SCUBE1: variants seen among roughly 807,000 people sequenced by gnomAD.
The protein encoded by SCUBE1 is signal peptide, CUB domain and EGF like domain containing 1.
Under a neutral mutation model 124.4 loss-of-function variants are expected in SCUBE1, and 59 were observed. That is an observed-to-expected ratio of 0.47 (90% CI 0.38 to 0.59). SCUBE1 has a LOEUF of 0.59. Ranked by LOEUF, SCUBE1 falls within the 20% of genes least tolerant of loss-of-function variation. The probability of loss-of-function intolerance (pLI) is 0.00; values close to 1 mark genes in which losing one functional copy is unlikely to be tolerated. For missense variants in SCUBE1, 1,150 were observed against 1,371.2 expected (o/e 0.84, Z 2.55); for synonymous variants, 545 against 550.9 (o/e 0.99, Z 0.15).
chr22:43,328,925 A>G (rs750063324), intron 2 of SCUBE1, among the ~76,000 whole-genome samples: 1 of 152,210 alleles, frequency 6.6e-6, no homozygotes, highest in Non-Finnish European at 1.5e-5. Flanking sequence ...TGTCTTTCCC[A>G]AGATCACCCA....
intron 3 of SCUBE1, among the ~76,000 whole-genome samples, chr22:43,305,777 G>C (rs1231732781): frequency 2.0e-5 from 3 of 152,176 alleles, no homozygotes; most frequent in Admixed American, 1.3e-4. Flanking sequence ...GCCAGGGGAG[G>C]GCAAGCCTGT....
chr22:43,304,597 T>A (rs900412564), intron 3 of SCUBE1, among the ~76,000 whole-genome samples: 1 of 152,164 alleles, frequency 6.6e-6, no homozygotes, highest in Non-Finnish European at 1.5e-5. Flanking sequence ...CGTGTGTGTG[T>A]GTGTCTGTGT....
chr22:43,233,269 C>T (rs960866263), intron 7 of SCUBE1, among the ~76,000 whole-genome samples: 3 of 152,238 alleles, frequency 2.0e-5, no homozygotes, highest in Admixed American at 6.5e-5. Context: ...GAAGCTGAGG[C>T]AGGAGAATCG....
Position 43,210,948 on chromosome 22 carries a change from C to G in SCUBE1, c.2357G>C (p.Gly786Ala), listed in dbSNP as rs1921522230. The G allele has an allele frequency of 6.2e-7, 1 of 1,614,102 alleles. No individual in the cohort carries two copies. The highest frequency in any genetic ancestry group is 8.5e-7 in the Non-Finnish European group (1 of 1,180,004). Residue 786 changes from glycine to alanine, a missense_variant, in exon 18 of 22, where the codon GGC becomes GCC. Around this residue, in one of 3 missense-constraint regions of SCUBE1, gnomAD observed 757 missense variants for 840.9 expected, o/e 0.90. Transcript: ENST00000360835. This position sits in a 1 kb window ranked among gnomAD's most constrained non-coding sequence, Gnocchi z 4.5. ...TTTGCAGTGTGTGACGTTGGTGGAG[C>G]CATCGAAGTCTGTGCTGGTGTTGCC... ...CPGNTSTDFD[G>A]STNVTHCKNQ... is the part of the protein sequence containing the mutation.
intron 4 of SCUBE1, among the ~76,000 whole-genome samples, chr22:43,280,689 C>T (rs913804781): frequency 4.0e-5 from 6 of 150,002 alleles, no homozygotes; most frequent in African/African-American, 1.5e-4. Flanking sequence ...CTTTCTTTCA[C>T]ACATCCCCAC....
chr22:43,238,232 C>T (rs1922848473), intron 7 of SCUBE1: 1 of 156,198 alleles, frequency 6.4e-6, no homozygotes, highest in Non-Finnish European at 1.4e-5. Flanking sequence ...CTCCTTCCTT[C>T]AACCAGTCAC....
At chr22:43,209,575 G>A (rs1320263692) in intron 19 of SCUBE1, among the ~76,000 whole-genome samples, 2 of 152,370 alleles carry the variant, frequency 1.3e-5, no homozygotes, top group East Asian at 1.9e-4. Flanking sequence ...GGCTCACAGA[G>A]GGGTGGGGAG....
chr22:43,201,337 AAAAG>A lies in SCUBE1; in HGVS notation c.*2656_*2659del, dbSNP rs1320780633. 28 of 150,182 alleles carry A rather than the reference AAAAG, an allele frequency of 1.9e-4. No homozygotes were observed. The highest frequency in any genetic ancestry group is 6.1e-4 in the African/African-American group (25 of 41,102). The allele number at this position is 150,182 out of a possible 1,614,324, so 9.3% of individuals were successfully genotyped here. On this transcript the variant is annotated 3_prime_UTR_variant, in exon 22 of 22. Transcript: ENST00000360835. ...AAAAAAAAAAAAAAAAGAAAACAAA[AAAAG>A]AAAACAAAAAACAAAACAAAAAAAA...
At chr22:43,319,695 G>A (rs1926477287) in intron 3 of SCUBE1, among the ~76,000 whole-genome samples, 1 of 152,040 alleles carries the variant, frequency 6.6e-6, no homozygotes, top group Non-Finnish European at 1.5e-5. Context: ...AGAGGAGCGG[G>A]CCCTCCGAAA....
intron 6 of SCUBE1, among the ~76,000 whole-genome samples, chr22:43,240,401 C>G (rs1922956837): frequency 6.6e-6 from 1 of 152,230 alleles, no homozygotes; most frequent in Admixed American, 6.5e-5. Flanking sequence ...CCTTCAAGGC[C>G]TGGCTCAGAG....
chr22:43,304,534 C>CAT (rs1230638346), intron 3 of SCUBE1, among the ~76,000 whole-genome samples: 6 of 29,178 alleles, frequency 2.1e-4, no homozygotes, highest in Admixed American at 1.0e-3. Context: ...CTCTCTAAGC[C>CAT]ACGAGGACCA....
chr22:43,338,548 CAG>C (rs145166498), intron 2 of SCUBE1, among the ~76,000 whole-genome samples: 3,627 of 152,010 alleles, frequency 0.024, 106 homozygotes, highest in African/African-American at 0.068. Context: ...TTTTTTGAGA[CAG>C]AGTCTTGCTC....
At chr22:43,218,591 G>T in intron 14 of SCUBE1, 133 bp from the exon 15 acceptor site, 1 of 876,952 alleles carries the variant, frequency 1.1e-6, no homozygotes. Context: ...CAACAGTCCT[G>T]GGGCAAGGGG....
intron 1 of SCUBE1, among the ~76,000 whole-genome samples, chr22:43,341,809 T>C (rs1927326051): frequency 6.6e-6 from 1 of 152,100 alleles, no homozygotes; most frequent in African/African-American, 2.4e-5. Context: ...GGGGACATGC[T>C]GCTGGGGTTT....
chr22:43,230,586 G>A lies in SCUBE1; in HGVS notation c.967+1167C>T, dbSNP rs567619808. Among the ~76,000 whole-genome samples, 5 of 152,312 alleles carry A rather than the reference G, an allele frequency of 3.3e-5. No individual in the cohort carries two copies. In the South Asian group the frequency reaches 1.0e-3, roughly 32 times the overall value. On this transcript the variant is annotated intron_variant, in intron 8 of 21. Transcript: ENST00000360835. ...CCTCAGCCCTCTGCAGAAGAACTTG[G>A]CAAGGCCAACAGAGAAACAAAGTCA...
Position 43,319,977 on chromosome 22 carries a change from A to C in SCUBE1, c.309T>G (p.Phe103Leu). 1 of 1,614,172 alleles carries C rather than the reference A, an allele frequency of 6.2e-7. No homozygotes were observed. Among genetic ancestry groups the C allele is most frequent in the Non-Finnish European group, 8.5e-7 (1 of 1,180,028 alleles). ...CATCGTGTGCCAGCATGAAGCCATC[A>C]AAGCAGGTACACCTGTAGTTCCCCG... ...NIPGNYRCTC[F>L]DGFMLAHDGH... The change falls in exon 3 of 22, where the codon TTT (phenylalanine) becomes TTG (leucine). Residue 103 changes from phenylalanine (F) to leucine (L), a missense_variant. Phe to Leu is a conservative substitution (Grantham distance 22). This residue lies in a region of SCUBE1 where 337 missense variants were observed against 482.1 expected (regional missense o/e 0.70). Coordinates refer to ENST00000360835, the MANE Select transcript of SCUBE1 (RefSeq NM_173050.5).
At chr22:43,228,784 C>T (rs75760607) in intron 9 of SCUBE1, among the ~76,000 whole-genome samples, 4,677 of 152,320 alleles carry the variant, frequency 0.031, 254 homozygotes, top group African/African-American at 0.11. Context: ...GCTCCTGGCC[C>T]GAGTTCTCTA....
intron 3 of SCUBE1, among the ~76,000 whole-genome samples, chr22:43,303,002 C>T (rs1028356779): frequency 3.3e-5 from 5 of 152,190 alleles, no homozygotes; most frequent in East Asian, 1.9e-4. Context: ...GGAGGGGCCC[C>T]GGAGCTCCCA....
At chr22:43,328,138 T>G (rs1234843266) in intron 2 of SCUBE1, among the ~76,000 whole-genome samples, 2 of 152,192 alleles carry the variant, frequency 1.3e-5, no homozygotes, top group Non-Finnish European at 2.9e-5. Flanking sequence ...ACCGATATGA[T>G]GAAGACCAGT....
Sources: gnomAD v4.1 joint callset for allele counts (sites outside exome capture counted in the v4.1 genomes callset) on GRCh38, gnomAD v4.1.1 for gene constraint, gnomAD v4.1.1 regional missense constraint, Gnocchi (gnomAD v3.1) non-coding constraint, MANE v1.5 for transcripts, NCBI Gene and HGNC (gene_info 2026-07-23, HGNC 2026-07-21) for gene names.